Variants in ORC2 observed in about 807,000 individuals in gnomAD.
The protein encoded by ORC2 is origin recognition complex subunit 2, also known as origin recognition complex protein 2 homolog.
Under a neutral mutation model 77.7 loss-of-function variants are expected in ORC2, and 37 were observed. The ratio of observed to expected loss-of-function variants is 0.48; its 90% confidence interval spans 0.37 to 0.63. The LOEUF is 0.63. ORC2 is among the 20% of genes least tolerant of loss of function. The pLI, the probability that ORC2 is intolerant of heterozygous loss-of-function variation, is 0.00. For synonymous variants in ORC2, 201 were observed against 229.5 expected, an observed-to-expected ratio of 0.88 and a Z score of 1.12; for missense variants, 557 against 661.9, an observed-to-expected ratio of 0.84 and a Z score of 1.74.
rs16836336 is a variant in ORC2, at chr2:200,962,105, A to C, written c.-60+1385T>G. Among the ~76,000 whole-genome samples the C allele has an allele frequency of 2.3e-3, 355 of 152,342 alleles. 2 individuals carry two copies. The highest frequency in any genetic ancestry group is 8.3e-3 in the African/African-American group (345 of 41,580). The stretch of plus-strand genomic sequence containing the variant: ...TGGAGCATCTTATTAAATAGTACAA[A>C]ATCACCAAATTAAAGAAAATGTCTA... On this transcript the variant is annotated intron_variant, in intron 1 of 17. Coordinates refer to ENST00000234296, the MANE Select transcript of ORC2 (RefSeq NM_006190.5).
chr2:200,911,537 T>C, intron 17 of ORC2, 150 bp from the exon 18 acceptor site: 2 of 529,264 alleles, frequency 3.8e-6, no homozygotes, highest in Non-Finnish European at 3.4e-6. Flanking sequence ...CACAGTCATA[T>C]ATACTTAAAT....
intron 13 of ORC2, among the ~76,000 whole-genome samples, chr2:200,925,181 G>A (rs985240212): frequency 9.2e-5 from 14 of 152,178 alleles, no homozygotes; most frequent in African/African-American, 3.1e-4. Context: ...AAATAAATTC[G>A]CTGGGCTTGG....
chr2:200,954,753 A>C (rs1379616706), intron 4 of ORC2, among the ~76,000 whole-genome samples: 2 of 152,122 alleles, frequency 1.3e-5, no homozygotes, highest in African/African-American at 4.8e-5. Context: ...TGTAGTACTG[A>C]AATTTTTAGG....
At chr2:200,957,835 T>C (rs1469434775) in intron 3 of ORC2, among the ~76,000 whole-genome samples, 195 bp downstream of exon 3, 1 of 152,160 alleles carries the variant, frequency 6.6e-6, no homozygotes, top group Non-Finnish European at 1.5e-5. Flanking sequence ...TTGTTTTATA[T>C]TAGGCTTTAC....
At chr2:200,931,211 A>G (rs190163448) in intron 11 of ORC2, 128 bp downstream of exon 11, 27 of 441,702 alleles carry the variant, frequency 6.1e-5, no homozygotes, top group Admixed American at 8.8e-5. Flanking sequence ...CTATTTTTAC[A>G]TTTATTTTTA....
chr2:200,946,735 A>G (rs945225076), intron 5 of ORC2, among the ~76,000 whole-genome samples: 1 of 152,120 alleles, frequency 6.6e-6, no homozygotes, highest in African/African-American at 2.4e-5. Context: ...ACTTTACAAT[A>G]ATAATTCTCC....
At chr2:200,915,991 G>A (rs2040642705) in intron 15 of ORC2, among the ~76,000 whole-genome samples, 2 of 152,014 alleles carry the variant, frequency 1.3e-5, no homozygotes, top group Admixed American at 1.3e-4. Flanking sequence ...CACCGCATCC[G>A]GCCCTCAATG....
intron 17 of ORC2, among the ~76,000 whole-genome samples, chr2:200,912,587 C>CT (rs1000370041): frequency 4.7e-4 from 68 of 145,478 alleles, no homozygotes; most frequent in Middle Eastern, 3.6e-3. Flanking sequence ...ACAACCAGCT[C>CT]TTTTTTTTTT....
intron 10 of ORC2, 45 bp downstream of exon 10, chr2:200,933,831 G>T: frequency 9.4e-7 from 1 of 1,059,494 alleles, no homozygotes; most frequent in Non-Finnish European, 1.4e-6. Flanking sequence ...ATATTTTTCA[G>T]GACAGAGTAA....
At chr2:200,952,426 A>G (rs1169977588) in intron 4 of ORC2, among the ~76,000 whole-genome samples, 1 of 151,214 alleles carries the variant, frequency 6.6e-6, no homozygotes, top group Non-Finnish European at 1.5e-5. Flanking sequence ...CACCCGGCTA[A>G]TTTTTTTTGT....
intron 15 of ORC2, among the ~76,000 whole-genome samples, chr2:200,914,405 A>C (rs1195732501): frequency 2.0e-5 from 3 of 151,934 alleles, no homozygotes; most frequent in South Asian, 2.1e-4. Flanking sequence ...TGATCTCGTG[A>C]TCCGCCCGCC....
intron 17 of ORC2, among the ~76,000 whole-genome samples, chr2:200,912,392 C>T (rs1375974856): frequency 6.6e-6 from 1 of 152,098 alleles, no homozygotes; most frequent in Non-Finnish European, 1.5e-5. Flanking sequence ...CATCTGTCTC[C>T]CTAAAATGTC....
intron 17 of ORC2, 25 bp from the exon 18 acceptor site, chr2:200,911,412 C>A (rs770576516): frequency 7.7e-7 from 1 of 1,296,484 alleles, no homozygotes; most frequent in Admixed American, 1.7e-5. Flanking sequence ...AATACCTGTA[C>A]GTTAGTCATT....
intron 4 of ORC2, among the ~76,000 whole-genome samples, chr2:200,953,424 T>C (rs2041403184): frequency 1.4e-5 from 2 of 139,048 alleles, no homozygotes; most frequent in Admixed American, 1.4e-4. Context: ...TTTTTTTTTT[T>C]TTAAAAAAGG....
chr2:200,939,536 G>A (rs1043431870), intron 7 of ORC2, among the ~76,000 whole-genome samples: 1 of 152,148 alleles, frequency 6.6e-6, no homozygotes, highest in African/African-American at 2.4e-5. Context: ...TAGTTATCAA[G>A]ATACACTTTA....
chr2:200,951,219 C>T (rs1390849558), intron 4 of ORC2, among the ~76,000 whole-genome samples: 1 of 152,118 alleles, frequency 6.6e-6, no homozygotes, highest in African/African-American at 2.4e-5. Flanking sequence ...TATTTAAGTG[C>T]TGAATACTCC....
At chr2:200,924,344 T>TA (rs776439974) in intron 13 of ORC2, among the ~76,000 whole-genome samples, 222 of 145,412 alleles carry the variant, frequency 1.5e-3, no homozygotes, top group African/African-American at 3.5e-3. Context: ...AAGACTGTGT[T>TA]AAAAAAAAAA....
At chr2:200,960,167 G>C (rs533473016) in intron 1 of ORC2, among the ~76,000 whole-genome samples, 68 of 151,882 alleles carry the variant, frequency 4.5e-4, no homozygotes, top group African/African-American at 1.6e-3. Flanking sequence ...TTGTAGAAAT[G>C]AGGTTTCACC....
chr2:200,930,466 G>A (rs965846986), intron 11 of ORC2, among the ~76,000 whole-genome samples: 6 of 151,758 alleles, frequency 4.0e-5, no homozygotes, highest in Non-Finnish European at 8.8e-5. Flanking sequence ...GAGAAGCTGA[G>A]GTTCTTGCAG....
Sources: allele counts gnomAD v4.1 joint callset (sites outside exome capture counted in the v4.1 genomes callset), GRCh38; gene constraint gnomAD v4.1.1; transcripts MANE v1.5; gene names NCBI Gene and HGNC (gene_info 2026-07-23, HGNC 2026-07-21).